The following RAB31 variants were observed in gnomAD, a reference collection of about 807,000 sequenced individuals.
RAB31 encodes the protein ras-related protein Rab-31.
A neutral mutation model predicts 25.6 loss-of-function variants in RAB31; 21 were observed. The ratio of observed to expected loss-of-function variants is 0.82; its 90% CI spans 0.58 to 1.18. The LOEUF (loss-of-function observed/expected upper bound fraction) is 1.18, where lower values mean the gene tolerates loss of function less well. Ranked by LOEUF, RAB31 falls within the 50% of genes most tolerant of loss-of-function variation. RAB31 has a pLI of 0.00. For missense variants in RAB31, 196 were observed against 250.1 expected (o/e 0.78, Z 1.46); for synonymous variants, 87 against 84.0 (o/e 1.04, Z -0.20).
intron 5 of RAB31, among the ~76,000 whole-genome samples, chr18:9,845,313 C>T (rs2068755734): frequency 6.6e-6 from 1 of 152,184 alleles, no homozygotes; most frequent in Non-Finnish European, 1.5e-5. Flanking sequence ...CCATATTTGT[C>T]ATGGTTTTCC....
chr18:9,798,951 G>T (rs915421271), intron 3 of RAB31, among the ~76,000 whole-genome samples: 1 of 152,182 alleles, frequency 6.6e-6, no homozygotes, highest in Admixed American at 6.5e-5. Context: ...AGCTGGGCGT[G>T]GTGGCACTTG....
intron 5 of RAB31, among the ~76,000 whole-genome samples, chr18:9,843,543 C>CAAA (rs11291478): frequency 4.4e-5 from 3 of 68,420 alleles, no homozygotes; most frequent in African/African-American, 1.2e-4. Context: ...AAGACACTGT[C>CAAA]AAAAAAAAAA....
intron 2 of RAB31, among the ~76,000 whole-genome samples, chr18:9,781,034 T>C (rs535690884): frequency 6.6e-6 from 1 of 152,352 alleles, no homozygotes; most frequent in Admixed American, 6.5e-5. Context: ...TGATTATTTC[T>C]TTAGGTTAAA....
chr18:9,709,486 TG>T (rs569606230), intron 1 of RAB31, among the ~76,000 whole-genome samples: 2 of 152,176 alleles, frequency 1.3e-5, no homozygotes, highest in African/African-American at 4.8e-5. Context: ...TCTGTCAAGA[TG>T]GGGGTACAAG....
chr18:9,846,275 G>A (rs552603123), intron 6 of RAB31, among the ~76,000 whole-genome samples: 17 of 152,256 alleles, frequency 1.1e-4, no homozygotes, highest in South Asian at 4.1e-4. Flanking sequence ...CCGGCTCCCC[G>A]GGAATAACCT....
intron 1 of RAB31, among the ~76,000 whole-genome samples, chr18:9,716,880 G>T (rs2068046675): frequency 7.2e-6 from 1 of 138,660 alleles, no homozygotes; most frequent in East Asian, 2.1e-4. Context: ...GAGTAGCTGG[G>T]ACTACAGGCG....
chr18:9,835,280 G>A (rs2068698274), intron 5 of RAB31, among the ~76,000 whole-genome samples: 1 of 152,096 alleles, frequency 6.6e-6, no homozygotes, highest in African/African-American at 2.4e-5. Flanking sequence ...AAACTGCCCC[G>A]AGAGAAAACG....
intron 1 of RAB31, among the ~76,000 whole-genome samples, chr18:9,728,252 A>C (rs2068104949): frequency 6.6e-6 from 1 of 152,344 alleles, no homozygotes. Context: ...ATCATGATTT[A>C]CTTAACTGGT....
chr18:9,762,369 G>A (rs1165665744), intron 1 of RAB31, among the ~76,000 whole-genome samples: 1 of 152,182 alleles, frequency 6.6e-6, no homozygotes, highest in African/African-American at 2.4e-5. Flanking sequence ...AAAGTTTGGA[G>A]CGTGGTGCCT....
chr18:9,780,849 C>T (rs9960703), intron 2 of RAB31, among the ~76,000 whole-genome samples: 77,914 of 151,914 alleles, frequency 0.51, 20,359 homozygotes, highest in East Asian at 0.68. Context: ...GAGAATCGCT[C>T]GAACCCGGGA....
intron 1 of RAB31, among the ~76,000 whole-genome samples, chr18:9,711,189 C>T (rs62078922): frequency 6.7e-6 from 1 of 149,544 alleles, no homozygotes; most frequent in African/African-American, 2.5e-5. Context: ...TCTCTCTCTC[C>T]TCTTTTTTGT....
chr18:9,812,075 G>A (rs923348095), intron 3 of RAB31, among the ~76,000 whole-genome samples: 11 of 152,118 alleles, frequency 7.2e-5, no homozygotes, highest in Non-Finnish European at 1.6e-4. Flanking sequence ...TCTCACATAG[G>A]GGCAGGGCAG....
At chr18:9,807,310 C>T (rs963377842) in intron 3 of RAB31, among the ~76,000 whole-genome samples, 3 of 152,188 alleles carry the variant, frequency 2.0e-5, no homozygotes, top group African/African-American at 7.2e-5. Context: ...GAACATGGTA[C>T]GCTTACTGTG....
rs1166370823 is a variant in RAB31, at chr18:9,857,705, TA to T, written c.491-1522del. Among the ~76,000 whole-genome samples the T allele has an allele frequency of 1.4e-4, 21 of 151,134 alleles. No individual in the cohort carries two copies. The South Asian group carries it at 4.4e-3, about 32-fold the overall frequency. ...GATAGATGATAGATAGATAGATAGA[TA>T]GATAGATAGATAGATAGATAGATAT... On this transcript the variant is annotated intron_variant, in intron 6 of 6. Coordinates refer to ENST00000578921, the MANE Select transcript of RAB31 (RefSeq NM_006868.4).
chr18:9,778,156 A>G (rs2068383058), intron 2 of RAB31, among the ~76,000 whole-genome samples: 1 of 152,222 alleles, frequency 6.6e-6, no homozygotes, highest in Non-Finnish European at 1.5e-5. Flanking sequence ...AGGTATAGGC[A>G]TCGTAAATAG....
At chr18:9,811,129 G>T (rs765532242) in intron 3 of RAB31, among the ~76,000 whole-genome samples, 1 of 152,218 alleles carries the variant, frequency 6.6e-6, no homozygotes, top group Non-Finnish European at 1.5e-5. Flanking sequence ...CTGTCCCCAA[G>T]TGCGTTCTGG....
intron 1 of RAB31, among the ~76,000 whole-genome samples, chr18:9,768,462 CT>C (rs2068327646): frequency 6.6e-6 from 1 of 152,256 alleles, no homozygotes; most frequent in African/African-American, 2.4e-5. Flanking sequence ...TGACAATGAA[CT>C]TTTTTCCATA....
At chr18:9,761,168 T>C (rs1386910486) in intron 1 of RAB31, among the ~76,000 whole-genome samples, 1 of 152,176 alleles carries the variant, frequency 6.6e-6, no homozygotes, top group African/African-American at 2.4e-5. Context: ...GTTAAAGCAA[T>C]GTAATATCTT....
At chr18:9,781,553 T>G (rs917311185) in intron 2 of RAB31, among the ~76,000 whole-genome samples, 2 of 152,242 alleles carry the variant, frequency 1.3e-5, no homozygotes, top group Admixed American at 1.3e-4. Flanking sequence ...CCTCAGCTGA[T>G]CTGCCCGCCT....
Sources: allele counts gnomAD v4.1 joint callset (sites outside exome capture counted in the v4.1 genomes callset), GRCh38; gene constraint gnomAD v4.1.1; transcripts MANE v1.5; gene names NCBI Gene and HGNC (gene_info 2026-07-23, HGNC 2026-07-21).